The following PDE4D variants were observed in gnomAD, a reference collection of about 807,000 sequenced individuals.
The protein encoded by PDE4D is phosphodiesterase 4D, also known as 3',5'-cyclic-AMP phosphodiesterase 4D.
A neutral mutation model predicts 87.4 loss-of-function variants in PDE4D; 24 were observed. That is an observed-to-expected ratio of 0.27 (90% CI 0.20 to 0.39). PDE4D has a LOEUF of 0.39. PDE4D is among the 10% of genes least tolerant of loss of function. The probability of loss-of-function intolerance (pLI) is 1.00; values close to 1 mark genes in which losing one functional copy is unlikely to be tolerated. For missense variants in PDE4D, 714 were observed against 1,041.0 expected, an observed-to-expected ratio of 0.69 and a Z score of 4.32; for synonymous variants, 384 against 383.2, an observed-to-expected ratio of 1.00 and a Z score of -0.02.
chr5:59,756,212 A>ACATTT lies in PDE4D; in HGVS notation c.455+136951_455+136955dup, dbSNP rs1761194337. 2.0e-5 allele frequency among the ~76,000 whole-genome samples: 3 copies of ACATTT among 152,012 alleles called. No homozygotes were observed. In the South Asian group the frequency reaches 6.2e-4, roughly 32 times the overall value. On this transcript the variant is annotated intron_variant, in intron 1 of 14. Coordinates refer to ENST00000340635, the MANE Select transcript of PDE4D (RefSeq NM_001104631.2). ...TTTTTGCAAATTTCTCAAAATCTTG[A>ACATTT]CATTTCTTTTGTAAGCTTAGGTCTT... is the stretch of plus-strand genomic sequence containing the variant.
In PDE4D at chr5:59,029,257, CAA is replaced by C. The variant is rs35339520; in HGVS notation, c.921+9600_921+9601del. ...GAAACCCCATCTCTACTTAAAAATA[CAA>C]AAAAAAAAAAAGGCAGGTGTGGTGG... On this transcript the variant is annotated intron_variant, in intron 6 of 14. Coordinates refer to ENST00000340635, the MANE Select transcript of PDE4D (RefSeq NM_001104631.2). Among the ~76,000 whole-genome samples, 217 of 140,940 alleles carry C rather than the reference CAA, an allele frequency of 1.5e-3. 1 individual carries two copies. Among genetic ancestry groups the C allele is most frequent in the South Asian group, 7.5e-3 (32 of 4,264 alleles). The allele number at this position is 140,940 out of a possible 152,430, so 92.5% of individuals were successfully genotyped here. A position where few individuals can be genotyped will look rare whatever the true frequency, so the allele number is the denominator to read the frequency against.
chr5:59,224,426 C>CCAAGTAA (rs1753287816), intron 1 of PDE4D, among the ~76,000 whole-genome samples: 1 of 151,828 alleles, frequency 6.6e-6, no homozygotes, highest in Non-Finnish European at 1.5e-5. Context: ...AGTGACACTC[C>CCAAGTAA]CAAGTAACAC....
intron 1 of PDE4D, among the ~76,000 whole-genome samples, chr5:60,292,060 A>T (rs999750626): frequency 4.6e-5 from 7 of 152,238 alleles, no homozygotes; most frequent in Middle Eastern, 6.8e-3. Context: ...ATAACGTCAG[A>T]CTCTGTGTGT....
intron 1 of PDE4D, among the ~76,000 whole-genome samples, chr5:59,660,967 A>G (rs1745149469): frequency 6.6e-6 from 1 of 151,554 alleles, no homozygotes; most frequent in South Asian, 2.1e-4. Context: ...CCTACTGGCC[A>G]GTCTATTTTA....
chr5:59,652,100 C>T (rs1242721236), intron 1 of PDE4D, among the ~76,000 whole-genome samples: 1 of 152,188 alleles, frequency 6.6e-6, no homozygotes, highest in Non-Finnish European at 1.5e-5. Context: ...AGACCAACTT[C>T]TTCTATCTGG....
At chr5:59,201,220 A>T (rs1197099110) in intron 2 of PDE4D, among the ~76,000 whole-genome samples, 2 of 152,142 alleles carry the variant, frequency 1.3e-5, no homozygotes, top group African/African-American at 2.4e-5. Context: ...TTAAATATAC[A>T]TAAGACAAAG....
At position 59,470,874 on chromosome 5, in the gene PDE4D, A is replaced by T. The variant is rs533416049; in HGVS notation, c.456-254906T>A. 1.8e-4 allele frequency among the ~76,000 whole-genome samples: 28 copies of T among 152,112 alleles called. No individual in the cohort carries two copies. In the East Asian group the frequency reaches 3.9e-3, roughly 21 times the overall value. ...TCCACTATTAAATGAAATATAACTT[A>T]AAAAAAATCAGTCCTAATATCAGCA... On this transcript the variant is annotated intron_variant, in intron 1 of 14. Transcript: ENST00000340635.
intron 5 of PDE4D, among the ~76,000 whole-genome samples, chr5:59,155,863 T>C (rs1378247450): frequency 6.6e-6 from 1 of 152,088 alleles, no homozygotes; most frequent in Non-Finnish European, 1.5e-5. Context: ...ATAACATCTA[T>C]GGCAAGAGGA....
At chr5:60,214,046 C>T (rs376545665) in intron 1 of PDE4D, among the ~76,000 whole-genome samples, 1 of 152,018 alleles carries the variant, frequency 6.6e-6, no homozygotes, top group Non-Finnish European at 1.5e-5. Context: ...GGAATTAAAC[C>T]TTCCCTCAAT....
At chr5:60,095,875 C>T (rs1265187137) in intron 2 of PDE4D, among the ~76,000 whole-genome samples, 1 of 152,070 alleles carries the variant, frequency 6.6e-6, no homozygotes, top group Non-Finnish European at 1.5e-5. Context: ...TATTTTTTGG[C>T]CACATAAATG....
chr5:59,382,456 AT>A (rs902667517), intron 1 of PDE4D, among the ~76,000 whole-genome samples: 2 of 152,154 alleles, frequency 1.3e-5, no homozygotes, highest in African/African-American at 2.4e-5. Context: ...AGGATATTTT[AT>A]TTTTTTCTAG....
intron 5 of PDE4D, among the ~76,000 whole-genome samples, chr5:59,151,042 A>G (rs1482271093): frequency 6.6e-6 from 1 of 152,210 alleles, no homozygotes; most frequent in Non-Finnish European, 1.5e-5. Context: ...TCAGGTGCCT[A>G]GAACTGTGAT....
At chr5:59,835,019 A>ATTT (rs1202946376) in intron 1 of PDE4D, among the ~76,000 whole-genome samples, 1 of 152,010 alleles carries the variant, frequency 6.6e-6, no homozygotes, top group East Asian at 1.9e-4. Context: ...TAGTCCTTGA[A>ATTT]TTTTAAATGG....
intron 2 of PDE4D, among the ~76,000 whole-genome samples, chr5:59,212,536 T>C (rs1318208667): frequency 6.6e-6 from 1 of 152,106 alleles, no homozygotes; most frequent in Non-Finnish European, 1.5e-5. Flanking sequence ...CAAAATGAGG[T>C]ATCCTTGCAA....
intron 1 of PDE4D, among the ~76,000 whole-genome samples, chr5:59,647,914 C>T (rs2150223228): frequency 6.6e-6 from 1 of 152,244 alleles, no homozygotes; most frequent in African/African-American, 2.4e-5. Flanking sequence ...AGAACTAAAT[C>T]AGTGATTCTT....
intron 1 of PDE4D, among the ~76,000 whole-genome samples, chr5:59,406,010 G>T (rs537410871): frequency 6.6e-6 from 1 of 152,124 alleles, no homozygotes; most frequent in Non-Finnish European, 1.5e-5. Context: ...ATGTGCCTTT[G>T]GTCTGTTTCG....
chr5:59,687,664 T>C (rs1273168411), intron 1 of PDE4D, among the ~76,000 whole-genome samples: 3 of 152,162 alleles, frequency 2.0e-5, no homozygotes, highest in Admixed American at 1.3e-4. Context: ...CATCAACTAA[T>C]GAGCAAAATA....
chr5:59,247,274 C>T (rs1228838170), intron 1 of PDE4D, among the ~76,000 whole-genome samples: 1 of 152,142 alleles, frequency 6.6e-6, no homozygotes, highest in Non-Finnish European at 1.5e-5. Flanking sequence ...TTAGTGAATG[C>T]TCTTACATTG....
intron 6 of PDE4D, among the ~76,000 whole-genome samples, chr5:59,003,275 T>C (rs539190846): frequency 8.4e-4 from 128 of 152,304 alleles, no homozygotes; most frequent in African/African-American, 3.0e-3. Context: ...TATCTGACCT[T>C]AATCCCCAAC....
Sources: gnomAD v4.1 joint callset for allele counts (sites outside exome capture counted in the v4.1 genomes callset) on GRCh38, gnomAD v4.1.1 for gene constraint, MANE v1.5 for transcripts, NCBI Gene and HGNC (gene_info 2026-07-23, HGNC 2026-07-21) for gene names.